Variants in NCAM1 observed in about 807,000 individuals in gnomAD.
NCAM1 encodes the protein antigen recognized by monoclonal antibody 5.1H11.
NCAM1 carries 14 observed loss-of-function variants against 109.8 expected under a neutral mutation model. The ratio of observed to expected loss-of-function variants is 0.13; its 90% confidence interval spans 0.08 to 0.20. The LOEUF is 0.20. Ranked by LOEUF, NCAM1 falls within the 10% of genes least tolerant of loss-of-function variation. NCAM1 has a pLI of 1.00. For synonymous variants in NCAM1, 418 were observed against 442.9 expected (o/e 0.94, Z 0.70); for missense variants, 774 against 1,109.9 (o/e 0.70, Z 4.30).
At chr11:113,153,453 T>TGA (rs10669540) in intron 1 of NCAM1, among the ~76,000 whole-genome samples, 19,104 of 141,122 alleles carry the variant, frequency 0.14, 1,287 homozygotes, top group East Asian at 0.27. Flanking sequence ...AGACAGAGAG[T>TGA]GAGAGAGAGA....
At chr11:113,153,734 G>A (rs1447426991) in intron 1 of NCAM1, among the ~76,000 whole-genome samples, 1 of 152,180 alleles carries the variant, frequency 6.6e-6, no homozygotes, top group Non-Finnish European at 1.5e-5. Context: ...TGTACAGGTG[G>A]CAGTGAGGGT....
intron 1 of NCAM1, among the ~76,000 whole-genome samples, chr11:113,130,077 A>G (rs901813777): frequency 6.6e-6 from 1 of 152,222 alleles, no homozygotes; most frequent in East Asian, 1.9e-4. Context: ...AGATGGCCAC[A>G]TAGAAGACAG....
chr11:113,240,650 G>A (rs782454957), intron 14 of NCAM1: 62 of 790,830 alleles, frequency 7.8e-5, no homozygotes, highest in East Asian at 1.2e-4. Flanking sequence ...GTTCACACAC[G>A]GTGTTGTTCT....
intron 1 of NCAM1, among the ~76,000 whole-genome samples, chr11:113,087,857 A>G (rs1168104973): frequency 6.6e-6 from 1 of 152,182 alleles, no homozygotes; most frequent in Non-Finnish European, 1.5e-5. Flanking sequence ...TTGAGGCATT[A>G]TAGAGGTCAG....
At chr11:113,236,233 AT>A (rs138844764) in intron 14 of NCAM1, 1,066 of 1,348,780 alleles carry the variant, frequency 7.9e-4, no homozygotes, top group South Asian at 9.7e-4. Context: ...TTTACATCTT[AT>A]TTTTTTTTTC....
At position 113,139,274 on chromosome 11, in the gene NCAM1, C is replaced by T. The variant is rs116160465; in HGVS notation, c.53-63105C>T. On this transcript the variant is annotated intron_variant, in intron 1 of 19. Transcript: ENST00000316851. ...TATTTATTATAAAAGAGATGGGTGA[C>T]ATTGTCTTAAGTTTAGCTACAGCAC... Among the ~76,000 whole-genome samples, 389 of 152,276 alleles carry T rather than the reference C, an allele frequency of 2.6e-3. 1 individual carries two copies. Among genetic ancestry groups the T allele is most frequent in the African/African-American group, 9.0e-3 (373 of 41,562 alleles).
At chr11:112,961,880 G>A (rs1033085311) in intron 1 of NCAM1, among the ~76,000 whole-genome samples, 1 of 152,102 alleles carries the variant, frequency 6.6e-6, no homozygotes, top group Non-Finnish European at 1.5e-5. Flanking sequence ...CGAGCCGCCA[G>A]CGCCCGGCGC....
intron 1 of NCAM1, among the ~76,000 whole-genome samples, chr11:113,075,484 C>T (rs1449078738): frequency 2.6e-5 from 4 of 152,176 alleles, no homozygotes; most frequent in Admixed American, 6.5e-5. Context: ...TGGTCACTGG[C>T]CACCCTATCA....
At chr11:113,007,920 T>C (rs1555073608) in intron 1 of NCAM1, among the ~76,000 whole-genome samples, 1 of 152,246 alleles carries the variant, frequency 6.6e-6, no homozygotes, top group African/African-American at 2.4e-5. Flanking sequence ...TTTTCTTTTG[T>C]ACCTAAGCTT....
At chr11:113,074,821 G>A (rs1938453949) in intron 1 of NCAM1, among the ~76,000 whole-genome samples, 1 of 152,034 alleles carries the variant, frequency 6.6e-6, no homozygotes, top group Non-Finnish European at 1.5e-5. Context: ...TAGTAGAGAG[G>A]AGCGTTCACC....
intron 1 of NCAM1, among the ~76,000 whole-genome samples, chr11:113,020,920 C>A (rs1952362905): frequency 2.0e-5 from 3 of 152,170 alleles, no homozygotes; most frequent in East Asian, 1.9e-4. Flanking sequence ...CCATGCCCGA[C>A]AAATTTTTGT....
intron 1 of NCAM1, among the ~76,000 whole-genome samples, chr11:112,994,583 G>A (rs1458350197): frequency 1.3e-5 from 2 of 152,146 alleles, no homozygotes; most frequent in Non-Finnish European, 2.9e-5. Context: ...CCACAGTGAT[G>A]GGACAATGGG....
intron 1 of NCAM1, among the ~76,000 whole-genome samples, chr11:113,151,008 A>G (rs1942205612): frequency 6.6e-6 from 1 of 152,196 alleles, no homozygotes; most frequent in Non-Finnish European, 1.5e-5. Context: ...CCTTGGTCTA[A>G]TAAGTAGTAG....
At chr11:113,018,135 G>A (rs1263742169) in intron 1 of NCAM1, among the ~76,000 whole-genome samples, 2 of 151,938 alleles carry the variant, frequency 1.3e-5, no homozygotes, top group Non-Finnish European at 2.9e-5. Context: ...CTTGTGGAAT[G>A]CCATGGCATA....
At chr11:112,966,128 G>A (rs1252259729) in intron 1 of NCAM1, among the ~76,000 whole-genome samples, 1 of 152,172 alleles carries the variant, frequency 6.6e-6, no homozygotes, top group African/African-American at 2.4e-5. Flanking sequence ...ACTAAGGAAT[G>A]TCTGGAACTT....
intron 1 of NCAM1, among the ~76,000 whole-genome samples, chr11:113,148,593 TA>T (rs1942108381): frequency 6.6e-6 from 1 of 152,110 alleles, no homozygotes; most frequent in African/African-American, 2.4e-5. Context: ...AAATTTTTGT[TA>T]ACGTTAGGTA....
chr11:113,047,128 C>T (rs553169970), intron 1 of NCAM1, among the ~76,000 whole-genome samples: 20 of 152,238 alleles, frequency 1.3e-4, no homozygotes, highest in Non-Finnish European at 2.2e-4. Flanking sequence ...CATGTGTACC[C>T]GTAAGGCTGG....
intron 1 of NCAM1, chr11:113,003,947 C>T (rs1451315892): frequency 1.3e-5 from 2 of 152,184 alleles, no homozygotes; most frequent in African/African-American, 4.8e-5. Flanking sequence ...GATTTCTTCA[C>T]CAGGTGGTTT....
At chr11:113,173,760 C>T (rs915550915) in intron 1 of NCAM1, among the ~76,000 whole-genome samples, 1 of 151,596 alleles carries the variant, frequency 6.6e-6, no homozygotes, top group African/African-American at 2.4e-5. Flanking sequence ...ATATCTTTAT[C>T]TCTAGAATAG....
Sources: gnomAD v4.1 joint callset for allele counts (sites outside exome capture counted in the v4.1 genomes callset) on GRCh38, gnomAD v4.1.1 for gene constraint, MANE v1.5 for transcripts, NCBI Gene and HGNC (gene_info 2026-07-23, HGNC 2026-07-21) for gene names.